The following GUSB variants were observed in gnomAD, a reference collection of about 807,000 sequenced individuals.
GUSB encodes the protein glucuronidase beta, also known as beta-glucuronidase.
Under a neutral mutation model 74.6 loss-of-function variants are expected in GUSB, and 51 were observed. The ratio of observed to expected loss-of-function variants is 0.68; its 90% CI spans 0.55 to 0.86. The LOEUF is 0.86. Among genes scored for constraint, GUSB ranks in the 40% least tolerant of loss-of-function variants. The pLI is 0.00. For missense variants in GUSB, 736 were observed against 853.7 expected (o/e 0.86, Z 1.72); for synonymous variants, 360 against 348.3 (o/e 1.03, Z -0.37).
chr7:65,966,792 A>C (rs922930551), intron 10 of GUSB, among the ~76,000 whole-genome samples: 1 of 152,020 alleles, frequency 6.6e-6, no homozygotes, highest in Non-Finnish European at 1.5e-5. Context: ...AAAAAGAAAA[A>C]GAAAAAAAGG....
At chr7:65,969,514 T>TAG (rs1040940254) in intron 9 of GUSB, among the ~76,000 whole-genome samples, 1 of 151,886 alleles carries the variant, frequency 6.6e-6, no homozygotes, top group African/African-American at 2.4e-5. Context: ...CTGGGCAACA[T>TAG]AGAGAGATGC....
intron 1 of GUSB, chr7:65,980,846 G>T (rs1791962819): frequency 3.7e-6 from 1 of 268,858 alleles, no homozygotes; most frequent in African/African-American, 2.2e-5. Flanking sequence ...TGCAAAGTCA[G>T]AATAAGAGGA....
intron 9 of GUSB, among the ~76,000 whole-genome samples, chr7:65,969,322 C>T (rs928878872): frequency 6.6e-6 from 1 of 152,026 alleles, no homozygotes; most frequent in Non-Finnish European, 1.5e-5. Context: ...GAGGTTGCAG[C>T]GAGCTGAGAT....
intron 2 of GUSB, 39 bp downstream of exon 2, chr7:65,980,185 G>GCCA: frequency 2.8e-6 from 2 of 725,272 alleles, no homozygotes; most frequent in South Asian, 1.5e-5. Context: ...CAGCAGCCGT[G>GCCA]CCCCCCCACC....
intron 4 of GUSB, among the ~76,000 whole-genome samples, chr7:65,977,419 G>C (rs1382580545): frequency 2.6e-5 from 4 of 152,202 alleles, no homozygotes; most frequent in Non-Finnish European, 4.4e-5. Flanking sequence ...TGGGATTACA[G>C]GCATGAGCCA....
At chr7:65,981,599 G>A (rs1280369289) in intron 1 of GUSB, among the ~76,000 whole-genome samples, 3 of 151,970 alleles carry the variant, frequency 2.0e-5, no homozygotes, top group South Asian at 2.1e-4. Context: ...GCTGGGGCGG[G>A]AGAATCGCTT....
intron 10 of GUSB, among the ~76,000 whole-genome samples, chr7:65,965,703 A>G (rs1012015933): frequency 3.3e-5 from 5 of 151,996 alleles, no homozygotes; most frequent in African/African-American, 1.2e-4. Flanking sequence ...CTAATTTTAA[A>G]TTTTTTGTAG....
rs756367670 is a variant in GUSB, at chr7:65,974,486, C to T, written c.1244+40G>A. 91 of 1,613,916 alleles carry T rather than the reference C, an allele frequency of 5.6e-5. 1 individual carries two copies. The highest frequency in any genetic ancestry group is 4.6e-4 in the South Asian group (42 of 91,090). On this transcript the variant is annotated intron_variant, in intron 7 of 11. Transcript: ENST00000304895. ...GGACAGAGGGTCACGGTGACGCCCCCGGGCTGGGCAGGCGGAGCAGGTGCA... is the reference window on the plus strand; with the variant it reads ...GGACAGAGGGTCACGGTGACGCCCCTGGGCTGGGCAGGCGGAGCAGGTGCA...
At chr7:65,980,985 G>C (rs1208841346) in intron 1 of GUSB, among the ~76,000 whole-genome samples, 1 of 152,184 alleles carries the variant, frequency 6.6e-6, no homozygotes, top group Non-Finnish European at 1.5e-5. Flanking sequence ...TGTGAACCTT[G>C]AAAACCAAGG....
At chr7:65,971,732 C>CG (rs1427907549) in intron 8 of GUSB, among the ~76,000 whole-genome samples, 6 of 148,064 alleles carry the variant, frequency 4.1e-5, no homozygotes, top group Non-Finnish European at 7.4e-5. Context: ...CTCCATCTTG[C>CG]GGAAAAAAAA....
At chr7:65,975,457 T>C in intron 5 of GUSB, 1 of 302,664 alleles carries the variant, frequency 3.3e-6, no homozygotes, top group Non-Finnish European at 6.5e-6. Context: ...TGATCTCAGC[T>C]CACTGCAGCC....
intron 10 of GUSB, among the ~76,000 whole-genome samples, chr7:65,967,080 G>T (rs574480736): frequency 3.5e-4 from 53 of 152,274 alleles, no homozygotes; most frequent in African/African-American, 1.2e-3. Flanking sequence ...GAAAACCCAG[G>T]AGAGAGCAGA....
chr7:65,964,801 G>C (rs1790728528), intron 10 of GUSB, among the ~76,000 whole-genome samples: 1 of 152,152 alleles, frequency 6.6e-6, no homozygotes. Context: ...AGGTGCAGTG[G>C]CTCATGTCTG....
rs1792042233 is a variant in GUSB, at chr7:65,981,783, T to G, written c.210+191A>C. On this transcript the variant is annotated intron_variant, in intron 1 of 11. Coordinates refer to ENST00000304895, the MANE Select transcript of GUSB (RefSeq NM_000181.4). ...AAGAGCCTTTTCTCCTCCTGCCTAA[T>G]CCGCCCCGGCCCTCCAGGGTGCTCC... 8.8e-6 allele frequency: 5 copies of G among 567,466 alleles called. No homozygotes were observed. In the East Asian group the frequency reaches 1.5e-4, roughly 17 times the overall value. The allele number at this position is 567,466 out of a possible 1,614,324, so 35.2% of individuals were successfully genotyped here.
At chr7:65,980,730 G>C (rs1171892289) in intron 1 of GUSB, 1 of 420,622 alleles carries the variant, frequency 2.4e-6, no homozygotes. Flanking sequence ...GCCTGTCACA[G>C]GGAGGAAGGC....
Position 65,967,898 on chromosome 7 carries a change from C to T in GUSB, c.1486G>A (p.Val496Met). 1 of 1,600,542 alleles carries T rather than the reference C, an allele frequency of 6.2e-7. No individual in the cohort carries two copies. The highest frequency in any genetic ancestry group is 8.5e-7 in the Non-Finnish European group (1 of 1,179,740). Reference sequence around the variant, plus strand: ...TAGCTGTTCAAACAGATCACATCCACATACGGAGCCTAGGACCAGAGCAGC... The same window carrying T: ...TAGCTGTTCAAACAGATCACATCCATATACGGAGCCTAGGACCAGAGCAGC... ...NYAADKGAPY[V>M]DVICLNSYYS... The change falls in exon 10 of 12, where the codon GTG becomes ATG. Residue 496 changes from valine to methionine, a missense_variant. Coordinates refer to ENST00000304895, the MANE Select transcript of GUSB (RefSeq NM_000181.4).
At chr7:65,980,185 G>GGGGGGGGGCCCC in intron 2 of GUSB, 39 bp downstream of exon 2, 3 of 725,274 alleles carry the variant, frequency 4.1e-6, no homozygotes, top group Non-Finnish European at 7.3e-6. Context: ...CAGCAGCCGT[G>GGGGGGGGGCCCC]CCCCCCCACC....
intron 10 of GUSB, among the ~76,000 whole-genome samples, chr7:65,964,897 C>G (rs1790733875): frequency 6.6e-6 from 1 of 150,956 alleles, no homozygotes; most frequent in Non-Finnish European, 1.5e-5. Context: ...AGCAAGACCC[C>G]ATCTCTACAA....
chr7:65,978,422 T>C (rs1252638509), intron 4 of GUSB, among the ~76,000 whole-genome samples: 1 of 151,254 alleles, frequency 6.6e-6, no homozygotes, highest in Admixed American at 6.6e-5. Flanking sequence ...CACTCCAGCC[T>C]GGACAACAGA....
Sources: allele counts gnomAD v4.1 joint callset (sites outside exome capture counted in the v4.1 genomes callset), GRCh38; gene constraint gnomAD v4.1.1; transcripts MANE v1.5; gene names NCBI Gene and HGNC (gene_info 2026-07-23, HGNC 2026-07-21).